Variants in CREM observed in about 807,000 individuals in gnomAD.
CREM encodes cAMP-responsive element modulator.
A neutral mutation model predicts 37.3 loss-of-function variants in CREM; 13 were observed. That is an observed-to-expected ratio of 0.35 (90% CI 0.23 to 0.55). The LOEUF (loss-of-function observed/expected upper bound fraction) is 0.55. CREM is among the 20% of genes least tolerant of loss of function. CREM has a pLI of 0.88. For synonymous variants in CREM, 124 were observed against 120.2 expected (o/e 1.03, Z -0.21); for missense variants, 296 against 362.3 (o/e 0.82, Z 1.49).
At chr10:35,132,832 A>G (rs2089692671) in intron 1 of CREM, among the ~76,000 whole-genome samples, 1 of 152,128 alleles carries the variant, frequency 6.6e-6, no homozygotes, top group South Asian at 2.1e-4. Context: ...CCTTCTCTTA[A>G]TTTTTTAATC....
At chr10:35,207,954 A>G (rs1410853317) in intron 7 of CREM, among the ~76,000 whole-genome samples, 2 of 152,322 alleles carry the variant, frequency 1.3e-5, no homozygotes, top group East Asian at 3.9e-4. Context: ...TCCAAAAGAT[A>G]CAGTAATTTT....
chr10:35,145,521 T>C (rs1302435561), intron 2 of CREM, among the ~76,000 whole-genome samples: 1 of 152,080 alleles, frequency 6.6e-6, no homozygotes, highest in Non-Finnish European at 1.5e-5. Flanking sequence ...GGCTCACGCC[T>C]AGTAATCCCA....
At chr10:35,140,176 C>T (rs1417491925) in intron 2 of CREM, among the ~76,000 whole-genome samples, 2 of 152,122 alleles carry the variant, frequency 1.3e-5, no homozygotes, top group Admixed American at 6.6e-5. Flanking sequence ...CAAACTTGTA[C>T]TAAACGGCAT....
At chr10:35,131,402 A>G (rs1247964769) in intron 1 of CREM, among the ~76,000 whole-genome samples, 3 of 152,082 alleles carry the variant, frequency 2.0e-5, no homozygotes, top group Non-Finnish European at 2.9e-5. Context: ...AAAATAGCAG[A>G]TAGTTTTGTT....
rs559727338 is a variant in CREM, at chr10:35,133,131, T to G, written c.-54-4651T>G. Among the ~76,000 whole-genome samples the G allele has an allele frequency of 5.9e-5, 9 of 152,318 alleles. No homozygotes were observed. In the South Asian group the frequency reaches 1.9e-3, roughly 32 times the overall value. On this transcript the variant is annotated intron_variant, in intron 1 of 7. Transcript: ENST00000685392. ...CAGGTTTTCTTATTCTTTTTCTTTTTTAGCCTTTCTTTTAGAAACCATCTC... is the reference window on the plus strand; with the variant it reads ...CAGGTTTTCTTATTCTTTTTCTTTTGTAGCCTTTCTTTTAGAAACCATCTC...
chr10:35,149,889 A>AACACACACACACACAC (rs55971717), intron 3 of CREM, among the ~76,000 whole-genome samples: 6,025 of 111,686 alleles, frequency 0.054, 322 homozygotes, highest in Non-Finnish European at 0.061. Context: ...CTTTTGCTTA[A>AACACACACACACACAC]ACACACACAC....
At chr10:35,167,639 A>C (rs1456855730) in intron 3 of CREM, 21 of 1,358,036 alleles carry the variant, frequency 1.5e-5, no homozygotes, top group Non-Finnish European at 2.0e-5. Context: ...GGTTTTTTTT[A>C]ATTGCAAAGC....
intron 1 of CREM, 129 bp downstream of exon 1, chr10:35,127,322 G>A (rs2087987879): frequency 1.3e-5 from 2 of 152,398 alleles, no homozygotes. Context: ...GGAGCCGTGG[G>A]CGGCGGGCCG....
intron 5 of CREM, 165 bp downstream of exon 5, chr10:35,179,441 G>T: frequency 1.3e-6 from 1 of 783,170 alleles, no homozygotes; most frequent in Non-Finnish European, 1.8e-6. Flanking sequence ...TGAGATCTTT[G>T]TATTGACAGC....
intron 3 of CREM, among the ~76,000 whole-genome samples, chr10:35,172,955 T>A (rs1259559259): frequency 6.6e-6 from 1 of 152,236 alleles, no homozygotes; most frequent in East Asian, 1.9e-4. Flanking sequence ...GCCAAAACTT[T>A]GAATTTTGGA....
intron 1 of CREM, among the ~76,000 whole-genome samples, chr10:35,131,447 CA>C (rs1321363018): frequency 2.6e-5 from 4 of 151,702 alleles, no homozygotes; most frequent in Non-Finnish European, 5.9e-5. Context: ...ATTGATAGCA[CA>C]AAAAATGATT....
intron 7 of CREM, among the ~76,000 whole-genome samples, chr10:35,209,602 A>T (rs1444988341): frequency 6.6e-6 from 1 of 152,246 alleles, no homozygotes; most frequent in African/African-American, 2.4e-5. Flanking sequence ...GAAAATGTTT[A>T]AACACCCGCA....
intron 1 of CREM, among the ~76,000 whole-genome samples, chr10:35,128,597 C>T (rs1001240400): frequency 6.7e-6 from 1 of 149,592 alleles, no homozygotes; most frequent in African/African-American, 2.5e-5. Context: ...CCGCTCTCAG[C>T]TCACTGCAAG....
intron 5 of CREM, among the ~76,000 whole-genome samples, chr10:35,187,146 A>ATT (rs1564921987): frequency 9.4e-5 from 6 of 63,978 alleles, no homozygotes; most frequent in African/African-American, 3.9e-4. Flanking sequence ...ATTAATATAT[A>ATT]ATATATATAA....
Position 35,188,352 on chromosome 10 carries a change from C to G in CREM, c.562C>G (p.Gln188Glu), listed in dbSNP as rs749118475. The G allele has an allele frequency of 5.6e-6, 9 of 1,612,800 alleles. No individual in the cohort carries two copies. In the East Asian group the frequency reaches 2.0e-4, roughly 36 times the overall value. Residue 188 changes from glutamine (Q) to glutamate (E), a missense_variant, in exon 6 of 8, where the codon CAG becomes GAG. Physicochemically the swap from Gln to Glu is conservative, Grantham distance 29. Coordinates refer to ENST00000685392, the MANE Select transcript of CREM (RefSeq NM_183011.2). ...AGCACAATCAGCTGATGGCACACAGCAGTTCTTTGTCCCAGGCAGCCAGGT... is the reference window on the plus strand; with the variant it reads ...AGCACAATCAGCTGATGGCACACAGGAGTTCTTTGTCCCAGGCAGCCAGGT... ...YAAQSADGTQ[Q>E]FFVPGSQVVV...
chr10:35,146,003 G>A (rs879496031), intron 2 of CREM, among the ~76,000 whole-genome samples: 4 of 152,122 alleles, frequency 2.6e-5, no homozygotes, highest in African/African-American at 4.8e-5. Context: ...GTTGTCCAAG[G>A]ACCATAATTT....
chr10:35,193,939 A>C (rs2095030896), intron 6 of CREM, among the ~76,000 whole-genome samples: 1 of 151,776 alleles, frequency 6.6e-6, no homozygotes, highest in Non-Finnish European at 1.5e-5. Context: ...GTCTCTACTA[A>C]AAATACAAAA....
rs972756126 is a variant in CREM at position 35,150,694 on chromosome 10, G to A, written c.168+2203G>A. 5.9e-5 allele frequency among the ~76,000 whole-genome samples: 9 copies of A among 151,706 alleles called. No individual in the cohort carries two copies. In the East Asian group the frequency reaches 9.7e-4, roughly 16 times the overall value. ...AAACTAGGTGGTTATGGTGGCACAC[G>A]CCTGTAGTCGCAGCTGCTCGGGAGG... is the stretch of plus-strand genomic sequence containing the variant. On this transcript the variant is annotated intron_variant, in intron 3 of 7. Coordinates refer to ENST00000685392, the MANE Select transcript of CREM (RefSeq NM_183011.2).
At chr10:35,134,249 C>T (rs975932198) in intron 1 of CREM, among the ~76,000 whole-genome samples, 6 of 152,036 alleles carry the variant, frequency 3.9e-5, no homozygotes, top group African/African-American at 1.4e-4. Flanking sequence ...GAGAGTCTCG[C>T]TCTGTTGCCC....
Sources: gnomAD v4.1 joint callset for allele counts (sites outside exome capture counted in the v4.1 genomes callset) on GRCh38, gnomAD v4.1.1 for gene constraint, MANE v1.5 for transcripts, NCBI Gene and HGNC (gene_info 2026-07-23, HGNC 2026-07-21) for gene names.